TOPBP1: variants seen among roughly 807,000 people sequenced by gnomAD.
TOPBP1 encodes the protein DNA topoisomerase 2-binding protein 1.
Under a neutral mutation model 167.7 loss-of-function variants are expected in TOPBP1, and 28 were observed. The observed-to-expected ratio is 0.17, with a 90% CI of 0.12 to 0.23. The LOEUF is 0.23. TOPBP1 is among the 10% of genes least tolerant of loss of function. The probability of loss-of-function intolerance (pLI) is 1.00; values close to 1 mark genes in which losing one functional copy is unlikely to be tolerated. For missense variants in TOPBP1, 1,554 were observed against 1,809.6 expected, an observed-to-expected ratio of 0.86 and a Z score of 2.56; for synonymous variants, 598 against 611.4, an observed-to-expected ratio of 0.98 and a Z score of 0.32.
At chr3:133,603,967 T>C (rs140642840) in intron 27 of TOPBP1, among the ~76,000 whole-genome samples, 1 of 151,926 alleles carries the variant, frequency 6.6e-6, no homozygotes, top group African/African-American at 2.4e-5. Context: ...AGAATTAAAA[T>C]TATAGAGTAT....
At position 133,643,244 on chromosome 3, in the gene TOPBP1, T is replaced by C. The variant is rs748992412; in HGVS notation, c.1977A>G (p.Ala659=). The C allele has an allele frequency of 1.2e-6, 2 of 1,606,752 alleles. No homozygotes were observed. The highest frequency in any genetic ancestry group is 1.7e-6 in the Non-Finnish European group (2 of 1,177,652). The change falls in exon 12 of 28, where the codon GCA becomes GCG. Residue 659 remains alanine, a synonymous_variant. Transcript: ENST00000260810. The part of the protein sequence containing the change: ...CVISFSQCAG[A]EKESLTFLAN... ...CTAGGAATGTTAAAGACTCTTTTTCTGCTCCAGCACACTGGCTAAATGAAA... is the reference window on the plus strand; with the variant it reads ...CTAGGAATGTTAAAGACTCTTTTTCCGCTCCAGCACACTGGCTAAATGAAA...
chr3:133,643,938 A>G, intron 11 of TOPBP1, 82 bp downstream of exon 11: 1 of 1,358,714 alleles, frequency 7.4e-7, no homozygotes. Flanking sequence ...ACTGTAACTG[A>G]ACTGTCTAAG....
chr3:133,601,521 T>G (rs1049641697), intron 27 of TOPBP1, 128 bp from the exon 28 acceptor site: 4 of 726,840 alleles, frequency 5.5e-6, no homozygotes, highest in Admixed American at 3.7e-5. Context: ...AAAACGCATA[T>G]TCATTCCTAG....
At chr3:133,629,663 C>A (rs771748619) in intron 14 of TOPBP1, among the ~76,000 whole-genome samples, 45 of 152,138 alleles carry the variant, frequency 3.0e-4, no homozygotes, top group Non-Finnish European at 5.1e-4. Flanking sequence ...TGCTTGATAT[C>A]ACAGTAATCA....
At chr3:133,656,211 T>A (rs1936475834) in intron 5 of TOPBP1, among the ~76,000 whole-genome samples, 1 of 152,010 alleles carries the variant, frequency 6.6e-6, no homozygotes, top group African/African-American at 2.4e-5. Flanking sequence ...TAAAATGGGC[T>A]CAATTAGCAT....
rs778396583 is a variant in TOPBP1 at position 133,649,767 on chromosome 3, A to G, written c.1253+13T>C. The G allele has an allele frequency of 1.9e-6, 3 of 1,584,058 alleles. No homozygotes were observed. In the Admixed American group the frequency reaches 5.9e-5, roughly 31 times the overall value. ...TGTAGTAGAAATTGCTTTGAATTAAAAACGAAAAAAACCTGTGGGCTGATT... is the reference window on the plus strand; with the variant it reads ...TGTAGTAGAAATTGCTTTGAATTAAGAACGAAAAAAACCTGTGGGCTGATT... On this transcript the variant is annotated intron_variant, in intron 9 of 27. Coordinates refer to ENST00000260810, the MANE Select transcript of TOPBP1 (RefSeq NM_007027.4).
At chr3:133,603,304 T>C (rs1365252692) in intron 27 of TOPBP1, among the ~76,000 whole-genome samples, 1 of 151,766 alleles carries the variant, frequency 6.6e-6, no homozygotes, top group Non-Finnish European at 1.5e-5. Flanking sequence ...AATATTAAAC[T>C]AATACAAAAA....
intron 13 of TOPBP1, 38 bp downstream of exon 13, chr3:133,639,921 T>C (rs367688520): frequency 1.9e-4 from 295 of 1,583,076 alleles, no homozygotes; most frequent in East Asian, 1.2e-3. Context: ...ACCATCTAGT[T>C]GTAAATATAT....
chr3:133,613,942 G>A (rs747925470), intron 23 of TOPBP1, among the ~76,000 whole-genome samples: 2 of 151,788 alleles, frequency 1.3e-5, no homozygotes, highest in African/African-American at 2.4e-5. Context: ...ACAGGTGCCC[G>A]CCACCACACC....
intron 23 of TOPBP1, among the ~76,000 whole-genome samples, chr3:133,614,639 A>C (rs1037975215): frequency 6.6e-6 from 1 of 151,990 alleles, no homozygotes; most frequent in Admixed American, 6.6e-5. Flanking sequence ...CTCTTCCCCA[A>C]AGTTTGCAGA....
intron 19 of TOPBP1, among the ~76,000 whole-genome samples, chr3:133,622,610 G>C (rs900662024): frequency 4.6e-5 from 7 of 151,972 alleles, no homozygotes; most frequent in Non-Finnish European, 8.8e-5. Flanking sequence ...GGAGAATAAG[G>C]GTGGAAGAAA....
chr3:133,655,255 T>C, intron 6 of TOPBP1, 35 bp downstream of exon 6: 1 of 1,250,996 alleles, frequency 8.0e-7, no homozygotes, highest in Non-Finnish European at 1.0e-6. Context: ...CTAGAGAAAA[T>C]GTTTCATTTG....
At position 133,608,593 on chromosome 3, in the gene TOPBP1, G is replaced by A. The variant is rs375371630; in HGVS notation, c.4367C>T (p.Ala1456Val). The change falls in exon 27 of 28, where the codon GCT becomes GTT. Residue 1456 changes from alanine to valine, a missense_variant. Ala to Val is a moderately conservative substitution (Grantham distance 64). This residue lies in a region of TOPBP1 where 351 missense variants were observed against 432.9 expected (regional missense o/e 0.81). Transcript: ENST00000260810. ...CAAGCAGTACACGTTCTGGGCAGCA[G>A]CTTCTGCTATATTAACTCCTGAGTC... is the stretch of plus-strand genomic sequence containing the variant. ...PDDSGVNIAE[A>V]AAQNVYCLRT... 22 of 1,613,684 alleles carry A rather than the reference G, an allele frequency of 1.4e-5. No homozygotes were observed. Among genetic ancestry groups the A allele is most frequent in the Non-Finnish European group, 1.5e-5 (18 of 1,179,804 alleles).
At chr3:133,613,107 T>C (rs868167471) in intron 23 of TOPBP1, among the ~76,000 whole-genome samples, 1 of 152,138 alleles carries the variant, frequency 6.6e-6, no homozygotes, top group African/African-American at 2.4e-5. Context: ...ATGATCCACC[T>C]GCCTCAGCCT....
chr3:133,624,452 C>T (rs1407655836), intron 16 of TOPBP1, among the ~76,000 whole-genome samples: 1 of 151,902 alleles, frequency 6.6e-6, no homozygotes, highest in Admixed American at 6.6e-5. Flanking sequence ...TCAGCCCAGG[C>T]AACACAGCAA....
At chr3:133,625,265 G>A (rs982388328) in intron 16 of TOPBP1, among the ~76,000 whole-genome samples, 3 of 152,132 alleles carry the variant, frequency 2.0e-5, no homozygotes, top group African/African-American at 2.4e-5. Context: ...GTGCCCGGCC[G>A]CTATTCAATA....
intron 13 of TOPBP1, among the ~76,000 whole-genome samples, chr3:133,639,726 A>G (rs1935827412): frequency 6.6e-6 from 1 of 152,168 alleles, no homozygotes; most frequent in Non-Finnish European, 1.5e-5. Context: ...CCCAAAGATA[A>G]GAGGAGAGAT....
At chr3:133,647,710 A>G (rs1936126809) in intron 10 of TOPBP1, among the ~76,000 whole-genome samples, 1 of 152,182 alleles carries the variant, frequency 6.6e-6, no homozygotes. Flanking sequence ...CTATTTAAAA[A>G]GCTAAAACTT....
At chr3:133,647,307 C>A (rs1002162566) in intron 10 of TOPBP1, among the ~76,000 whole-genome samples, 2 of 152,144 alleles carry the variant, frequency 1.3e-5, no homozygotes, top group Admixed American at 6.5e-5. Flanking sequence ...CCAGCCAATA[C>A]ACCAACTTAA....
Sources: allele counts gnomAD v4.1 joint callset (sites outside exome capture counted in the v4.1 genomes callset), GRCh38; gene constraint gnomAD v4.1.1; regional missense constraint gnomAD v4.1.1; transcripts MANE v1.5; gene names NCBI Gene and HGNC (gene_info 2026-07-23, HGNC 2026-07-21).